ARHGEF28: variants seen among roughly 807,000 people sequenced by gnomAD.
ARHGEF28 encodes Rho guanine nucleotide exchange factor 28, also known as 190 kDa guanine nucleotide exchange factor.
ARHGEF28 carries 152 observed loss-of-function variants against 206.6 expected under a neutral mutation model. That is an observed-to-expected ratio of 0.74 (90% CI 0.64 to 0.84). The LOEUF is 0.84. Among genes scored for constraint, ARHGEF28 ranks in the 40% least tolerant of loss-of-function variants. The pLI, the probability that ARHGEF28 is intolerant of heterozygous loss-of-function variation, is 0.00. For missense variants in ARHGEF28, 2,028 were observed against 2,073.2 expected (o/e 0.98, Z 0.42); for synonymous variants, 763 against 776.4 (o/e 0.98, Z 0.29).
At chr5:73,845,103 T>C (rs369723679) in intron 11 of ARHGEF28, among the ~76,000 whole-genome samples, 2 of 150,002 alleles carry the variant, frequency 1.3e-5, no homozygotes, top group South Asian at 2.1e-4. Flanking sequence ...CTGCAAGCTC[T>C]GCCTCCTGGG....
At chr5:73,807,487 C>CT (rs577924923) in intron 9 of ARHGEF28, among the ~76,000 whole-genome samples, 1,697 of 142,292 alleles carry the variant, frequency 0.012, 22 homozygotes, top group African/African-American at 0.033. Flanking sequence ...CAATGTAATT[C>CT]TTTTTTTTTT....
At chr5:73,737,193 T>C (rs1750994999) in intron 2 of ARHGEF28, among the ~76,000 whole-genome samples, 1 of 152,164 alleles carries the variant, frequency 6.6e-6, no homozygotes, top group Admixed American at 6.5e-5. Flanking sequence ...TTAAATTCTT[T>C]TCTGCCTCCC....
intron 2 of ARHGEF28, among the ~76,000 whole-genome samples, chr5:73,725,435 C>G (rs1750212166): frequency 6.6e-6 from 1 of 152,158 alleles, no homozygotes; most frequent in Non-Finnish European, 1.5e-5. Context: ...GAATGTTGGT[C>G]CACTGGACGT....
rs184956050 is a variant in ARHGEF28, at chr5:73,688,560, A to T, written c.33+3676A>T. ...ACATTTTTTATTTTTCTTTTTAAAG[A>T]TTGTTTCTTCCACTATTGTTTTCCC... is the stretch of plus-strand genomic sequence containing the variant. On this transcript the variant is annotated intron_variant, in intron 2 of 35. Coordinates refer to ENST00000513042, the MANE Select transcript of ARHGEF28 (RefSeq NM_001177693.2). Among the ~76,000 whole-genome samples, 546 of 152,274 alleles carry T rather than the reference A, an allele frequency of 3.6e-3. 17 individuals are homozygous for T. The highest frequency in any genetic ancestry group is 0.035 in the Admixed American group (532 of 15,280).
intron 11 of ARHGEF28, among the ~76,000 whole-genome samples, chr5:73,844,992 T>C (rs145162930): frequency 4.0e-4 from 60 of 151,068 alleles, no homozygotes; most frequent in Non-Finnish European, 7.7e-4. Flanking sequence ...GGTTCTAAGG[T>C]AGAGTTTTCA....
At chr5:73,722,200 T>G (rs1017836714) in intron 2 of ARHGEF28, among the ~76,000 whole-genome samples, 2 of 140,616 alleles carry the variant, frequency 1.4e-5, no homozygotes, top group African/African-American at 5.7e-5. Flanking sequence ...CAATAGCTTT[T>G]CCGAAGGAAG....
chr5:73,801,395 C>T (rs1009726836), intron 9 of ARHGEF28, among the ~76,000 whole-genome samples: 3 of 151,554 alleles, frequency 2.0e-5, no homozygotes, highest in Non-Finnish European at 4.4e-5. Flanking sequence ...TGCAGTGAGC[C>T]GAGATCGCAC....
chr5:73,869,227 G>GA (rs200172040), intron 20 of ARHGEF28, among the ~76,000 whole-genome samples: 4 of 130,278 alleles, frequency 3.1e-5, no homozygotes, highest in Non-Finnish European at 6.4e-5. Context: ...TGGGGTGGAG[G>GA]GGGGTGGGGA....
chr5:73,857,961 C>A, intron 15 of ARHGEF28, 126 bp from the exon 16 acceptor site: 1 of 1,425,100 alleles, frequency 7.0e-7, no homozygotes. Flanking sequence ...CCTCTGTGTG[C>A]AGTCCTTATA....
In ARHGEF28 at chr5:73,932,013, C is replaced by T. The variant is rs543384084; in HGVS notation, c.4949-8831C>T. Among the ~76,000 whole-genome samples the T allele has an allele frequency of 6.7e-4, 102 of 152,188 alleles. 1 individual carries two copies. Among genetic ancestry groups the T allele is most frequent in the African/African-American group, 2.3e-3 (96 of 41,518 alleles). ...CACCTTGAAATACCTTAAAAACAAACGTAAATGGTGAAGCTTTTGGTGTTA... is the reference window on the plus strand; with the variant it reads ...CACCTTGAAATACCTTAAAAACAAATGTAAATGGTGAAGCTTTTGGTGTTA... On this transcript the variant is annotated intron_variant, in intron 35 of 35. Transcript: ENST00000513042.
At chr5:73,708,953 G>A (rs1374845189) in intron 2 of ARHGEF28, among the ~76,000 whole-genome samples, 2 of 152,090 alleles carry the variant, frequency 1.3e-5, no homozygotes, top group African/African-American at 4.8e-5. Flanking sequence ...GTGATGTTGA[G>A]CTTTTTTTCA....
intron 10 of ARHGEF28, among the ~76,000 whole-genome samples, chr5:73,833,395 G>A (rs1757421739): frequency 1.3e-5 from 2 of 151,826 alleles, no homozygotes; most frequent in African/African-American, 4.8e-5. Context: ...CAGCCCTTCA[G>A]TAGCACATCT....
intron 9 of ARHGEF28, among the ~76,000 whole-genome samples, chr5:73,804,326 A>G (rs1446749272): frequency 6.6e-6 from 1 of 152,126 alleles, no homozygotes; most frequent in African/African-American, 2.4e-5. Context: ...GTGAATCAGA[A>G]TTATTTTCAA....
rs557519954 is a variant in ARHGEF28, at chr5:73,686,774, G to A, written c.33+1890G>A. ...CCTGACCTCGTGATCTGCCTGCCTC[G>A]GCCTCCCACAGTGCTGGGATTACAG... On this transcript the variant is annotated intron_variant, in intron 2 of 35. Coordinates refer to ENST00000513042, the MANE Select transcript of ARHGEF28 (RefSeq NM_001177693.2). 3.7e-4 allele frequency among the ~76,000 whole-genome samples: 56 copies of A among 151,768 alleles called. 1 individual carries two copies. The East Asian group carries it at 6.6e-3, about 18-fold the overall frequency.
chr5:73,663,018 C>T (rs1580454944), intron 1 of ARHGEF28, among the ~76,000 whole-genome samples: 1 of 152,254 alleles, frequency 6.6e-6, no homozygotes, highest in South Asian at 2.1e-4. Context: ...TGCAATGGCC[C>T]AATCTCGGTT....
intron 22 of ARHGEF28, 142 bp from the exon 23 acceptor site, chr5:73,882,330 G>A: frequency 5.0e-6 from 3 of 604,278 alleles, no homozygotes; most frequent in Non-Finnish European, 2.6e-6. Flanking sequence ...TGTCTGAGGA[G>A]ATAAGTGATT....
chr5:73,778,873 AG>A (rs1753680078), intron 6 of ARHGEF28, among the ~76,000 whole-genome samples: 1 of 152,216 alleles, frequency 6.6e-6, no homozygotes, highest in African/African-American at 2.4e-5. Context: ...CTTATCTAAA[AG>A]TCTGTTTTTA....
chr5:73,941,424 T>A lies in ARHGEF28; in HGVS notation c.*411T>A, dbSNP rs1327043049. ...AACTTTCACAGTCAGGGCAGTTGCC[T>A]CAGTGCCCACATAGGCAGAGGAGGA... On this transcript the variant is annotated 3_prime_UTR_variant, in exon 36 of 36. Transcript: ENST00000513042. 6.5e-6 allele frequency: 1 copy of A among 154,048 alleles called. No individual in the cohort carries two copies. The highest frequency in any genetic ancestry group is 1.9e-4 in the East Asian group (1 of 5,214). 9.5% of individuals were successfully genotyped at this position (154,048 alleles called of 1,614,324 possible). A position where few individuals can be genotyped will look rare whatever the true frequency, so the allele number is the denominator to read the frequency against.
At chr5:73,902,289 C>G (rs1213999375) in intron 31 of ARHGEF28, 1 of 152,142 alleles carries the variant, frequency 6.6e-6, no homozygotes, top group Non-Finnish European at 1.5e-5. Flanking sequence ...TGTATTGCTT[C>G]TTAAAATGTT....
Sources: gnomAD v4.1 joint callset for allele counts (sites outside exome capture counted in the v4.1 genomes callset) on GRCh38, gnomAD v4.1.1 for gene constraint, MANE v1.5 for transcripts, NCBI Gene and HGNC (gene_info 2026-07-23, HGNC 2026-07-21) for gene names.